CNBD1: variants seen among roughly 807,000 people sequenced by gnomAD.
CNBD1 encodes cyclic nucleotide-binding domain-containing protein 1.
CNBD1 carries 71 observed loss-of-function variants against 54.4 expected under a neutral mutation model. That is an observed-to-expected ratio of 1.30 (90% CI 1.08 to 1.59). CNBD1 has a LOEUF of 1.59. Among genes scored for constraint, CNBD1 ranks in the 40% most tolerant of loss-of-function variants. The probability of loss-of-function intolerance (pLI) is 0.00; values close to 1 mark genes in which losing one functional copy is unlikely to be tolerated. For synonymous variants in CNBD1, 182 were observed against 170.7 expected (o/e 1.07, Z -0.51); for missense variants, 659 against 518.0 (o/e 1.27, Z -2.64).
At chr8:87,281,576 ATATATATATATATATATATATATAT>A in intron 6 of CNBD1, among the ~76,000 whole-genome samples, 1 of 51,866 alleles carries the variant, frequency 1.9e-5, no homozygotes, top group Non-Finnish European at 4.8e-5. Flanking sequence ...ATATATATAT[ATATATATATATATATATATATATAT>A]AACTAATTTT....
chr8:87,139,373 T>C (rs1319938975), intron 4 of CNBD1, among the ~76,000 whole-genome samples: 1 of 152,138 alleles, frequency 6.6e-6, no homozygotes, highest in Non-Finnish European at 1.5e-5. Context: ...AAGGAACCTG[T>C]TTCTATTTCT....
chr8:87,224,577 G>A (rs1298556396), intron 5 of CNBD1, among the ~76,000 whole-genome samples: 1 of 151,268 alleles, frequency 6.6e-6, no homozygotes, highest in East Asian at 1.9e-4. Flanking sequence ...ATTTCTGAGG[G>A]CTCTGTTCTG....
At chr8:87,359,021 A>C (rs1042369002) in intron 10 of CNBD1, among the ~76,000 whole-genome samples, 1 of 152,130 alleles carries the variant, frequency 6.6e-6, no homozygotes. Flanking sequence ...TCTCTAAAAA[A>C]CACCCTCAAA....
chr8:87,272,246 C>T (rs1585973427), intron 6 of CNBD1, among the ~76,000 whole-genome samples: 1 of 151,602 alleles, frequency 6.6e-6, no homozygotes. Flanking sequence ...TAGAATGATC[C>T]TAGATAAAAA....
chr8:87,229,359 C>G (rs1814610446), intron 5 of CNBD1, among the ~76,000 whole-genome samples: 1 of 152,094 alleles, frequency 6.6e-6, no homozygotes, highest in African/African-American at 2.4e-5. Context: ...GGAATCCATG[C>G]TATTTGTTTC....
At chr8:87,336,999 A>G (rs749678228) in intron 8 of CNBD1, among the ~76,000 whole-genome samples, 2 of 151,918 alleles carry the variant, frequency 1.3e-5, no homozygotes, top group African/African-American at 2.4e-5. Context: ...TTCAGGTCCT[A>G]TTCATCTAGT....
intron 4 of CNBD1, among the ~76,000 whole-genome samples, chr8:86,943,271 C>G (rs939682085): frequency 1.4e-5 from 2 of 147,580 alleles, no homozygotes; most frequent in Non-Finnish European, 3.0e-5. Context: ...GTCCCAGCTA[C>G]TCGGGAGGCT....
chr8:87,129,083 A>AAAAAAAAAAAAAAAAAAAAAAC, intron 4 of CNBD1, among the ~76,000 whole-genome samples: 1 of 145,346 alleles, frequency 6.9e-6, no homozygotes, highest in Non-Finnish European at 1.5e-5. Context: ...AAAAAAAAAA[A>AAAAAAAAAAAAAAAAAAAAAAC]AAAAAAAAGA....
At chr8:87,132,141 C>T (rs1342331590) in intron 4 of CNBD1, among the ~76,000 whole-genome samples, 2 of 151,688 alleles carry the variant, frequency 1.3e-5, no homozygotes, top group African/African-American at 2.4e-5. Context: ...TTTTCAACAC[C>T]TAAAATTAAT....
At chr8:87,220,994 G>A (rs1814322478) in intron 5 of CNBD1, among the ~76,000 whole-genome samples, 1 of 151,994 alleles carries the variant, frequency 6.6e-6, no homozygotes, top group African/African-American at 2.4e-5. Flanking sequence ...CCCCATATTT[G>A]AGAGTCACTC....
intron 4 of CNBD1, among the ~76,000 whole-genome samples, chr8:86,945,538 A>G (rs1168896899): frequency 1.3e-5 from 2 of 152,198 alleles, no homozygotes; most frequent in South Asian, 2.1e-4. Flanking sequence ...TAAGGGCTGC[A>G]TGCTGATCAA....
intron 4 of CNBD1, among the ~76,000 whole-genome samples, chr8:87,190,971 T>C (rs538734734): frequency 4.1e-4 from 56 of 135,354 alleles, no homozygotes; most frequent in Middle Eastern, 7.3e-3. Context: ...GTATGAAAGA[T>C]ATATATATGT....
intron 4 of CNBD1, among the ~76,000 whole-genome samples, chr8:86,979,667 TACAG>T (rs548973462): frequency 1.8e-3 from 269 of 152,300 alleles, no homozygotes; most frequent in Non-Finnish European, 3.0e-3. Context: ...AAATAAATAT[TACAG>T]ACAAATTAGC....
intron 4 of CNBD1, among the ~76,000 whole-genome samples, chr8:87,192,042 A>G (rs1175895729): frequency 1.3e-5 from 2 of 152,200 alleles, no homozygotes; most frequent in African/African-American, 2.4e-5. Flanking sequence ...TTTAAAAAAT[A>G]TATCAACCAA....
At chr8:87,405,140 C>T (rs1221256775) in intron 2 of CNBD1, among the ~76,000 whole-genome samples, 1 of 151,882 alleles carries the variant, frequency 6.6e-6, no homozygotes. Flanking sequence ...ATATACTCAA[C>T]CATTGTTACA....
At chr8:87,078,731 TA>T (rs1810925504) in intron 4 of CNBD1, among the ~76,000 whole-genome samples, 1 of 152,166 alleles carries the variant, frequency 6.6e-6, no homozygotes, top group African/African-American at 2.4e-5. Context: ...ATTTTAGTAT[TA>T]AAAAGAGCTG....
intron 4 of CNBD1, among the ~76,000 whole-genome samples, chr8:86,940,131 A>ACTTTTTTTT (rs1478097685): frequency 0.17 from 4,416 of 26,696 alleles, 441 homozygotes; most frequent in African/African-American, 0.42. Flanking sequence ...ACCACATGTT[A>ACTTTTTTTT]CTTTTTTTTT....
Position 86,933,896 on chromosome 8 carries a change from T to A in CNBD1, c.273-5700T>A, listed in dbSNP as rs150079379. On this transcript the variant is annotated intron_variant, in intron 3 of 10. Transcript: ENST00000518476. ...AATTGAGTACATTATTTTATGTATC[T>A]CTATTATTTATCTGGAATAAAAATT... Among the ~76,000 whole-genome samples, 851 of 152,302 alleles carry A rather than the reference T, an allele frequency of 5.6e-3. 7 individuals are homozygous for A. Among genetic ancestry groups the A allele is most frequent in the African/African-American group, 0.019 (799 of 41,580 alleles).
chr8:87,222,731 C>T (rs1395509868), intron 5 of CNBD1, among the ~76,000 whole-genome samples: 1 of 152,072 alleles, frequency 6.6e-6, no homozygotes, highest in East Asian at 1.9e-4. Flanking sequence ...TTGTAATTGG[C>T]CGTTAACCTT....
Sources: gnomAD v4.1 joint callset for allele counts (sites outside exome capture counted in the v4.1 genomes callset) on GRCh38, gnomAD v4.1.1 for gene constraint, MANE v1.5 for transcripts, NCBI Gene and HGNC (gene_info 2026-07-23, HGNC 2026-07-21) for gene names.